The following IL1RAPL1 variants were observed in gnomAD, a reference collection of about 807,000 sequenced individuals.
IL1RAPL1 encodes interleukin-1 receptor accessory protein-like 1.
In IL1RAPL1, 3 loss-of-function variants were observed where a neutral mutation model predicts 48.4. That is an observed-to-expected ratio of 0.06 (90% CI 0.03 to 0.16). The LOEUF is 0.16. Ranked by LOEUF, IL1RAPL1 falls within the 10% of genes least tolerant of loss-of-function variation. The pLI, the probability that IL1RAPL1 is intolerant of heterozygous loss-of-function variation, is 1.00. For synonymous variants in IL1RAPL1, 185 were observed against 187.7 expected (o/e 0.99, Z 0.12); for missense variants, 349 against 530.6 (o/e 0.66, Z 3.36).
chrX:29,885,962 T>G (rs1265583007), intron 6 of IL1RAPL1, among the ~76,000 whole-genome samples: 1 of 112,431 alleles, frequency 8.9e-6, no homozygotes, highest in Non-Finnish European at 1.9e-5. Flanking sequence ...TGTTTTAAAT[T>G]ATTCTTATTA....
At chrX:29,280,722 C>T (rs952345610) in intron 2 of IL1RAPL1, among the ~76,000 whole-genome samples, 11 of 111,634 alleles carry the variant, frequency 9.9e-5, no homozygotes, top group African/African-American at 3.3e-4. Flanking sequence ...TACATTCAAC[C>T]GGGGAGACAG....
intron 2 of IL1RAPL1, among the ~76,000 whole-genome samples, chrX:28,930,401 A>G (rs1923847928): frequency 8.9e-6 from 1 of 112,018 alleles, no homozygotes; most frequent in Admixed American, 9.5e-5. Flanking sequence ...GTCTTATTGT[A>G]AAGTAATATG....
At chrX:29,450,454 T>A (rs1175278048) in intron 5 of IL1RAPL1, among the ~76,000 whole-genome samples, 1 of 111,620 alleles carries the variant, frequency 9.0e-6, no homozygotes, top group Non-Finnish European at 1.9e-5. Context: ...CAATATATAA[T>A]CAAATGAGCA....
chrX:29,111,931 T>C (rs1417558608), intron 2 of IL1RAPL1, among the ~76,000 whole-genome samples: 9 of 88,636 alleles, frequency 1.0e-4, no homozygotes, highest in East Asian at 3.3e-4. Context: ...TTTTCTTTTT[T>C]TTTTTTTTTT....
chrX:28,662,761 G>GA (rs1934836400), intron 1 of IL1RAPL1, among the ~76,000 whole-genome samples: 1 of 111,582 alleles, frequency 9.0e-6, no homozygotes, highest in South Asian at 3.7e-4. Flanking sequence ...AAAAGAACCA[G>GA]AAAAGGAAGG....
intron 2 of IL1RAPL1, among the ~76,000 whole-genome samples, chrX:29,260,430 A>G (rs7892315): frequency 0.12 from 13,229 of 111,830 alleles, 1,860 homozygotes; most frequent in African/African-American, 0.41. Flanking sequence ...CATGTCTTAC[A>G]TGGCAGCACA....
At chrX:29,930,541 G>A (rs1932935474) in intron 8 of IL1RAPL1, among the ~76,000 whole-genome samples, 1 of 111,635 alleles carries the variant, frequency 9.0e-6, no homozygotes, top group South Asian at 3.7e-4. Flanking sequence ...TATTAACAGT[G>A]GTTACCTCGA....
chrX:29,014,194 C>G (rs1336751992), intron 2 of IL1RAPL1, among the ~76,000 whole-genome samples: 2 of 111,619 alleles, frequency 1.8e-5, no homozygotes, highest in East Asian at 5.6e-4. Flanking sequence ...TCGGCCTCTT[C>G]TTACTTTTTT....
Position 29,158,336 on chromosome X carries a change from A to G in IL1RAPL1, c.83-124602A>G, listed in dbSNP as rs549850181. ...CTCCAATATATGTTGGCCAGTATTA[A>G]TCTTAGCATAGAAAATATTCACTTT... On this transcript the variant is annotated intron_variant, in intron 2 of 10. Coordinates refer to ENST00000378993, the MANE Select transcript of IL1RAPL1 (RefSeq NM_014271.4). Among the ~76,000 whole-genome samples the G allele has an allele frequency of 4.4e-4, 49 of 112,008 alleles. 1 individual carries two copies. The South Asian group carries it at 0.018, about 41-fold the overall frequency.
intron 5 of IL1RAPL1, among the ~76,000 whole-genome samples, chrX:29,411,404 T>C (rs375495534): frequency 3.6e-5 from 4 of 112,231 alleles, no homozygotes; most frequent in East Asian, 5.6e-4. Flanking sequence ...CCCAGTCATA[T>C]ATGCATTTTG....
chrX:29,059,121 G>C (rs1217243905), intron 2 of IL1RAPL1, among the ~76,000 whole-genome samples: 2 of 111,804 alleles, frequency 1.8e-5, no homozygotes, highest in Non-Finnish European at 3.8e-5. Flanking sequence ...CATAATTTTG[G>C]TTTATGTTAA....
intron 1 of IL1RAPL1, among the ~76,000 whole-genome samples, chrX:28,597,641 G>A (rs1475074217): frequency 9.0e-6 from 1 of 110,584 alleles, no homozygotes; most frequent in Non-Finnish European, 1.9e-5. Flanking sequence ...TGAGGCAGGA[G>A]AATTGCTTGA....
At chrX:29,448,451 A>G (rs1293067053) in intron 5 of IL1RAPL1, among the ~76,000 whole-genome samples, 1 of 112,224 alleles carries the variant, frequency 8.9e-6, no homozygotes, top group African/African-American at 3.2e-5. Context: ...TAATCTGTTG[A>G]TTGAAATAGT....
At chrX:29,265,435 T>A (rs1931935947) in intron 2 of IL1RAPL1, among the ~76,000 whole-genome samples, 1 of 110,464 alleles carries the variant, frequency 9.1e-6, no homozygotes, top group Non-Finnish European at 1.9e-5. Context: ...CAGAAAAAGA[T>A]AAAAGATAAA....
chrX:28,728,723 T>A (rs1460908027), intron 1 of IL1RAPL1, among the ~76,000 whole-genome samples: 9 of 111,747 alleles, frequency 8.1e-5, no homozygotes. Flanking sequence ...TAGACATTTA[T>A]TGGGAACTTC....
At chrX:29,493,938 A>T (rs1935185934) in intron 5 of IL1RAPL1, among the ~76,000 whole-genome samples, 1 of 111,478 alleles carries the variant, frequency 9.0e-6, no homozygotes, top group African/African-American at 3.3e-5. Flanking sequence ...TCTGTTGCCC[A>T]GGCTGGAGTG....
At chrX:28,660,781 T>C (rs772506405) in intron 1 of IL1RAPL1, among the ~76,000 whole-genome samples, 2 of 111,707 alleles carry the variant, frequency 1.8e-5, no homozygotes, top group Non-Finnish European at 3.8e-5. Flanking sequence ...ACAAAAAATA[T>C]GAAGAGATTC....
intron 2 of IL1RAPL1, among the ~76,000 whole-genome samples, chrX:28,803,704 G>A (rs890289780): frequency 9.0e-6 from 1 of 111,344 alleles, no homozygotes; most frequent in Non-Finnish European, 1.9e-5. Flanking sequence ...ACTTGATTAC[G>A]TGTGTTTCTT....
intron 2 of IL1RAPL1, among the ~76,000 whole-genome samples, chrX:28,861,699 A>G (rs1334211639): frequency 2.7e-5 from 3 of 111,399 alleles, no homozygotes; most frequent in Non-Finnish European, 5.7e-5. Flanking sequence ...ACTTTCATTG[A>G]GCAATTTGTT....
Sources: allele counts gnomAD v4.1 joint callset (sites outside exome capture counted in the v4.1 genomes callset), GRCh38; gene constraint gnomAD v4.1.1; transcripts MANE v1.5; gene names NCBI Gene and HGNC (gene_info 2026-07-23, HGNC 2026-07-21).